The following AKAP19 variants were observed in gnomAD, a reference collection of about 807,000 sequenced individuals.
AKAP19 encodes the protein small A-kinase anchoring protein.
the AKAP19 span, among the ~76,000 whole-genome samples, chr2:190,051,943 T>C: frequency 6.6e-6 from 1 of 152,004 alleles, no homozygotes; most frequent in Non-Finnish European, 1.5e-5. Context: ...GTTCACGCCA[T>C]TCTCCTGCCT....
chr2:190,097,875 A>AG, the AKAP19 span, among the ~76,000 whole-genome samples: 1 of 150,986 alleles, frequency 6.6e-6, no homozygotes, highest in Non-Finnish European at 1.5e-5. Flanking sequence ...AAAAAAAAAA[A>AG]AAAAAAGAAA....
the AKAP19 span, among the ~76,000 whole-genome samples, chr2:189,975,775 C>T: frequency 4.6e-5 from 7 of 152,252 alleles, no homozygotes; most frequent in African/African-American, 1.7e-4. Context: ...TTGATCGAAT[C>T]GGCTACTGAA....
chr2:190,166,897 G>C, the AKAP19 span, among the ~76,000 whole-genome samples: 152 of 35,994 alleles, frequency 4.2e-3, no homozygotes, highest in Middle Eastern at 0.08. Flanking sequence ...AAAGAAAAAA[G>C]AAAGAAAAAA....
chr2:189,918,649 C>A, the AKAP19 span, among the ~76,000 whole-genome samples: 1 of 152,108 alleles, frequency 6.6e-6, no homozygotes, highest in Non-Finnish European at 1.5e-5. Flanking sequence ...AACAATTCAC[C>A]TCTCCAGTAT....
At chr2:189,943,114 A>G in the AKAP19 span, among the ~76,000 whole-genome samples, 8 of 152,162 alleles carry the variant, frequency 5.3e-5, no homozygotes, top group Non-Finnish European at 8.8e-5. Context: ...ATCAAAGACA[A>G]TGAAGAAAAG....
the AKAP19 span, among the ~76,000 whole-genome samples, chr2:190,192,134 A>G: frequency 2.0e-5 from 3 of 152,140 alleles, no homozygotes; most frequent in Non-Finnish European, 4.4e-5. Context: ...TCTATAAAGT[A>G]TAAGGTATAA....
At chr2:190,026,984 A>G in the AKAP19 span, among the ~76,000 whole-genome samples, 5 of 152,252 alleles carry the variant, frequency 3.3e-5, no homozygotes, top group African/African-American at 1.2e-4. Context: ...TTCCATAAAC[A>G]GAGTAATTTA....
chr2:189,917,407 G>A, the AKAP19 span: 1 of 854,168 alleles, frequency 1.2e-6, no homozygotes, highest in Non-Finnish European at 1.9e-6. Context: ...TCAAATTCTT[G>A]TCTTCTTCTC....
chr2:190,177,491 C>T, the AKAP19 span, among the ~76,000 whole-genome samples: 3 of 152,198 alleles, frequency 2.0e-5, no homozygotes, highest in African/African-American at 7.2e-5. The surrounding 1 kb of genome is among the most constrained non-coding windows in gnomAD (Gnocchi z 4.6). Flanking sequence ...GGCCCGGATC[C>T]TTCCTGACAA....
chr2:190,105,924 C>T, the AKAP19 span, among the ~76,000 whole-genome samples: 1 of 152,124 alleles, frequency 6.6e-6, no homozygotes, highest in South Asian at 2.1e-4. Flanking sequence ...TAGCACATTT[C>T]CTAGCACATT....
chr2:190,156,572 A>G, the AKAP19 span, among the ~76,000 whole-genome samples: 8 of 152,242 alleles, frequency 5.3e-5, no homozygotes, highest in African/African-American at 1.9e-4. Flanking sequence ...AGTGCTTACA[A>G]ATGAATAAAA....
the AKAP19 span, among the ~76,000 whole-genome samples, chr2:190,188,342 T>C: frequency 6.6e-6 from 1 of 152,170 alleles, no homozygotes; most frequent in Non-Finnish European, 1.5e-5. Flanking sequence ...AGAAACTGTG[T>C]TTTTTAAACA....
chr2:189,889,515 C>T, the AKAP19 span, among the ~76,000 whole-genome samples: 2 of 152,184 alleles, frequency 1.3e-5, no homozygotes, highest in Non-Finnish European at 2.9e-5. Flanking sequence ...ACCCTCTCCT[C>T]TTTGTACCTC....
At chr2:189,950,460 G>A in the AKAP19 span, among the ~76,000 whole-genome samples, 1 of 151,396 alleles carries the variant, frequency 6.6e-6, no homozygotes. Flanking sequence ...ATTAGGATTA[G>A]GATAAGTCTC....
the AKAP19 span, among the ~76,000 whole-genome samples, chr2:189,893,964 C>G: frequency 6.6e-6 from 1 of 152,086 alleles, no homozygotes; most frequent in African/African-American, 2.4e-5. Flanking sequence ...ACATCATAGG[C>G]ATTACGGGTG....
chr2:190,188,551 C>T, the AKAP19 span, among the ~76,000 whole-genome samples: 3 of 152,202 alleles, frequency 2.0e-5, no homozygotes, highest in Non-Finnish European at 2.9e-5. Context: ...AGCTGCCTAA[C>T]CACTGACTTG....
the AKAP19 span, among the ~76,000 whole-genome samples, chr2:189,981,883 C>G: frequency 3.3e-5 from 5 of 152,122 alleles, no homozygotes; most frequent in African/African-American, 4.8e-5. Flanking sequence ...GTTAGTCTGA[C>G]AAGATTTCCT....
the AKAP19 span, among the ~76,000 whole-genome samples, chr2:190,196,953 G>A: frequency 6.6e-6 from 1 of 152,094 alleles, no homozygotes; most frequent in South Asian, 2.1e-4. Context: ...ATTTCTCATG[G>A]TTCTGGAGGC....
At chr2:189,889,144 A>AT in the AKAP19 span, among the ~76,000 whole-genome samples, 782 of 152,242 alleles carry the variant, frequency 5.1e-3, 8 homozygotes, top group African/African-American at 0.018. Context: ...TTTAGTATGA[A>AT]GGGGTGTTGT....
Sources: gnomAD v4.1 joint callset for allele counts (sites outside exome capture counted in the v4.1 genomes callset) on GRCh38, gnomAD v4.1.1 for gene constraint, Gnocchi (gnomAD v3.1) non-coding constraint, MANE v1.5 for transcripts, NCBI Gene and HGNC (gene_info 2026-07-23, HGNC 2026-07-21) for gene names.